Variants in FBXO25 observed in about 807,000 individuals in gnomAD.
FBXO25 encodes the protein F-box protein 25.
A neutral mutation model predicts 51.9 loss-of-function variants in FBXO25; 45 were observed. The ratio of observed to expected loss-of-function variants is 0.87; its 90% CI spans 0.68 to 1.11. The LOEUF (loss-of-function observed/expected upper bound fraction) is 1.11. FBXO25 is among the 50% of genes most tolerant of loss of function. The pLI, the probability that FBXO25 is intolerant of heterozygous loss-of-function variation, is 0.00. For synonymous variants in FBXO25, 199 were observed against 151.0 expected (o/e 1.32, Z -2.33); for missense variants, 507 against 428.5 (o/e 1.18, Z -1.62).
intron 9 of FBXO25, among the ~76,000 whole-genome samples, chr8:467,474 A>T (rs1263044586): frequency 3.9e-5 from 6 of 152,266 alleles, no homozygotes; most frequent in Admixed American, 1.3e-4. Context: ...AAAGGTAGAG[A>T]TATGTTGTCT....
In FBXO25 at chr8:473,976, G is replaced by A. The variant is rs1199834292; in HGVS notation, c.*5172G>A. ...AAATTTACCATCTTACCTATTTTAA[G>A]TGTGCAATTTAGTGGCATTAAATAC... is the stretch of plus-strand genomic sequence containing the variant. On this transcript the variant is annotated 3_prime_UTR_variant, in exon 10 of 10. Coordinates refer to ENST00000350302, the MANE Select transcript of FBXO25 (RefSeq NM_183420.2). The A allele has an allele frequency of 6.6e-6, 1 of 152,148 alleles. No individual in the cohort carries two copies. The highest frequency in any genetic ancestry group is 1.9e-4 in the East Asian group (1 of 5,184). The allele number at this position is 152,148 out of a possible 1,614,324, so 9.4% of individuals were successfully genotyped here.
intron 8 of FBXO25, 55 bp downstream of exon 8, chr8:458,606 G>A (rs1415635217): frequency 1.9e-6 from 3 of 1,557,654 alleles, no homozygotes; most frequent in Non-Finnish European, 2.6e-6. Flanking sequence ...ACTCTGCCTG[G>A]GGGCCATACC....
intron 7 of FBXO25, 63 bp downstream of exon 7, chr8:451,516 C>G (rs1045398848): frequency 4.8e-6 from 7 of 1,457,146 alleles, no homozygotes; most frequent in Middle Eastern, 1.7e-4. Flanking sequence ...GTTATCTTTT[C>G]TAAGCATACA....
intron 2 of FBXO25, among the ~76,000 whole-genome samples, chr8:421,500 G>A (rs137975276): frequency 1.8e-3 from 270 of 152,320 alleles, no homozygotes; most frequent in Non-Finnish European, 2.5e-3. Flanking sequence ...TCTCAAAACT[G>A]TACATATTCT....
intron 9 of FBXO25, among the ~76,000 whole-genome samples, chr8:463,508 G>C (rs1799951013): frequency 1.3e-5 from 2 of 152,174 alleles, no homozygotes; most frequent in African/African-American, 2.4e-5. Context: ...CTGAGGACAA[G>C]TGCACCTTCC....
chr8:460,189 G>A (rs931932952), intron 8 of FBXO25, among the ~76,000 whole-genome samples: 2 of 152,232 alleles, frequency 1.3e-5, no homozygotes, highest in East Asian at 1.9e-4. Context: ...GTTAATGAGA[G>A]TGCCTGGCAG....
At chr8:437,449 T>C (rs1170994515) in intron 5 of FBXO25, among the ~76,000 whole-genome samples, 1 of 152,340 alleles carries the variant, frequency 6.6e-6, no homozygotes, top group East Asian at 1.9e-4. Flanking sequence ...AGGGCCTTGC[T>C]TGGCTCATCT....
At chr8:437,607 C>G (rs951255431) in intron 5 of FBXO25, among the ~76,000 whole-genome samples, 1 of 152,188 alleles carries the variant, frequency 6.6e-6, no homozygotes, top group Non-Finnish European at 1.5e-5. Flanking sequence ...AAGAAGCAGC[C>G]TTTGTGACTG....
chr8:409,369 T>C (rs1199081639), intron 1 of FBXO25, among the ~76,000 whole-genome samples: 2 of 152,206 alleles, frequency 1.3e-5, no homozygotes, highest in Admixed American at 6.5e-5. Context: ...CATGGACTAT[T>C]TTTTTATTTC....
At chr8:449,282 G>T (rs1277099023) in intron 5 of FBXO25, among the ~76,000 whole-genome samples, 1 of 152,242 alleles carries the variant, frequency 6.6e-6, no homozygotes, top group African/African-American at 2.4e-5. Flanking sequence ...ATGCACATCA[G>T]AGTAGGGGTA....
At chr8:438,665 A>T (rs1319365698) in intron 5 of FBXO25, among the ~76,000 whole-genome samples, 1 of 152,210 alleles carries the variant, frequency 6.6e-6, no homozygotes, top group Non-Finnish European at 1.5e-5. Flanking sequence ...GGAGCCCATC[A>T]GTGCTGGCAT....
intron 2 of FBXO25, among the ~76,000 whole-genome samples, chr8:424,799 G>A (rs190248950): frequency 6.6e-6 from 1 of 152,220 alleles, no homozygotes; most frequent in Non-Finnish European, 1.5e-5. Context: ...GTAGTGTGAT[G>A]CCTCTGGCTT....
chr8:450,959 C>T (rs952106940), intron 6 of FBXO25: 4 of 223,106 alleles, frequency 1.8e-5, no homozygotes, highest in Non-Finnish European at 3.5e-5. Context: ...ATTCTACTTT[C>T]TGTCTCTACG....
Position 443,471 on chromosome 8 carries a change from G to A in FBXO25, c.382-6519G>A, listed in dbSNP as rs1394987783. Among the ~76,000 whole-genome samples the A allele has an allele frequency of 6.6e-5, 10 of 151,324 alleles. No individual in the cohort carries two copies. The South Asian group carries it at 8.3e-4, about 13-fold the overall frequency. ...TTTAGTTTCAGATAAAAAAGCAGAC[G>A]TTCTTTCTGCCAGTGCTAGAAGTCA... On this transcript the variant is annotated intron_variant, in intron 5 of 9. Coordinates refer to ENST00000350302, the MANE Select transcript of FBXO25 (RefSeq NM_183420.2).
chr8:451,167 G>C, intron 6 of FBXO25, 102 bp from the exon 7 acceptor site: 2 of 928,616 alleles, frequency 2.2e-6, no homozygotes, highest in Non-Finnish European at 3.2e-6. Flanking sequence ...CACGTTGTTT[G>C]TCTGTTCGTC....
At chr8:428,300 A>G (rs1325051743) in intron 2 of FBXO25, among the ~76,000 whole-genome samples, 2 of 152,124 alleles carry the variant, frequency 1.3e-5, no homozygotes, top group Non-Finnish European at 2.9e-5. Flanking sequence ...GTGGAGAGTT[A>G]AGGGCTGTTA....
intron 5 of FBXO25, among the ~76,000 whole-genome samples, chr8:439,952 G>T (rs1011692318): frequency 6.6e-6 from 1 of 152,158 alleles, no homozygotes; most frequent in Non-Finnish European, 1.5e-5. Context: ...TAGAATCTCT[G>T]GCTATATGAA....
chr8:416,639 G>A (rs978056787), intron 2 of FBXO25, among the ~76,000 whole-genome samples: 2 of 152,254 alleles, frequency 1.3e-5, no homozygotes, highest in South Asian at 4.1e-4. Context: ...AATGGAATGG[G>A]CCGGAGTCCT....
Position 474,520 on chromosome 8 carries a change from G to A in FBXO25, c.*5716G>A. The stretch of plus-strand genomic sequence containing the variant: ...GCACCATTTTACATTCCCACTGAAG[G>A]TTCCAGTTTTGCCACATCCTTGCCA... On this transcript the variant is annotated 3_prime_UTR_variant, in exon 10 of 10. Transcript: ENST00000350302. 1 of 343,232 alleles carries A rather than the reference G, an allele frequency of 2.9e-6. No individual in the cohort carries two copies. Among genetic ancestry groups the A allele is most frequent in the South Asian group, 2.3e-5 (1 of 43,702 alleles). 21.3% of individuals were successfully genotyped at this position (343,232 alleles called of 1,614,324 possible).
Sources: gnomAD v4.1 joint callset for allele counts (sites outside exome capture counted in the v4.1 genomes callset) on GRCh38, gnomAD v4.1.1 for gene constraint, MANE v1.5 for transcripts, NCBI Gene and HGNC (gene_info 2026-07-23, HGNC 2026-07-21) for gene names.